SYTL5: variants seen among roughly 807,000 people sequenced by gnomAD.
SYTL5 encodes the protein synaptotagmin-like protein 5.
SYTL5 carries 34 observed loss-of-function variants against 55.9 expected under a neutral mutation model. The ratio of observed to expected loss-of-function variants is 0.61; its 90% CI spans 0.46 to 0.81. The LOEUF is 0.81. Ranked by LOEUF, SYTL5 falls within the 30% of genes least tolerant of loss-of-function variation. The pLI is 0.00. For missense variants in SYTL5, 637 were observed against 546.7 expected (o/e 1.17, Z -1.65); for synonymous variants, 221 against 188.7 (o/e 1.17, Z -1.40).
At position 38,089,429 on chromosome X, in the gene SYTL5, T is replaced by A; in HGVS notation, c.690-17T>A. On this transcript the variant is annotated splice_polypyrimidine_tract_variant and intron_variant, in intron 6 of 16. Coordinates refer to ENST00000297875, the MANE Select transcript of SYTL5 (RefSeq NM_138780.3). Reference sequence around the variant, plus strand: ...CTCTGCTTCCATGTTAAAGTCAGAATATGCTTTCTCATTTAGGGGAAGCAC... The same window carrying A: ...CTCTGCTTCCATGTTAAAGTCAGAAAATGCTTTCTCATTTAGGGGAAGCAC... 1 of 1,198,086 alleles carries A rather than the reference T, an allele frequency of 8.3e-7. No homozygotes were observed. Among genetic ancestry groups the A allele is most frequent in the Non-Finnish European group, 1.1e-6 (1 of 889,564 alleles).
chrX:38,120,447 T>C lies in SYTL5; in HGVS notation c.1686T>C (p.Leu562=). 8.3e-7 allele frequency: 1 copy of C among 1,203,846 alleles called. No homozygotes were observed. The highest frequency in any genetic ancestry group is 1.1e-6 in the Non-Finnish European group (1 of 888,255). ...TTCCCCCAGAAGAGAACCTGATGCT[T>C]CCACCAGAACAACTCCAAGGTAGAG... ...RYIPPEENLM[L]PPEQLQGNKT... The change falls in exon 14 of 17, where the codon CTT becomes CTC. Residue 562 remains leucine, a synonymous_variant. Transcript: ENST00000297875.
chrX:38,126,021 A>G (rs755457432), intron 16 of SYTL5, among the ~76,000 whole-genome samples: 8 of 112,000 alleles, frequency 7.1e-5, no homozygotes, highest in Non-Finnish European at 9.4e-5. Flanking sequence ...CACTGGTGCC[A>G]CAAGACGCAA....
At chrX:38,080,414 T>C (rs1227368345) in intron 6 of SYTL5, among the ~76,000 whole-genome samples, 1 of 111,330 alleles carries the variant, frequency 9.0e-6, no homozygotes, top group Admixed American at 9.6e-5. Flanking sequence ...TAGGTTCTCA[T>C]CTTTCTGCCC....
chrX:38,084,108 C>T (rs1936612259), intron 6 of SYTL5, among the ~76,000 whole-genome samples: 1 of 111,222 alleles, frequency 9.0e-6, no homozygotes, highest in Non-Finnish European at 1.9e-5. Context: ...AGGTTTAGAT[C>T]ATGCACTTTC....
At chrX:38,004,389 G>T (rs1450824365), upstream of SYTL5, among the ~76,000 whole-genome samples, 1 of 111,702 alleles carries the variant, frequency 9.0e-6, no homozygotes, top group Admixed American at 9.6e-5. Flanking sequence ...ATTCAAAATA[G>T]AGCTACCATA....
In SYTL5 at chrX:38,055,525, A is replaced by G. The variant is rs181746134; in HGVS notation, c.329+1103A>G. 4.5e-5 allele frequency among the ~76,000 whole-genome samples: 5 copies of G among 111,489 alleles called. No homozygotes were observed. The East Asian group carries it at 1.1e-3, about 25-fold the overall frequency. On this transcript the variant is annotated intron_variant, in intron 3 of 16. Transcript: ENST00000297875. ...TCATAATCTCATCTCAAGGCAGCTG[A>G]GTGTTCATCTACCTTTCCTGTGAAT...
At chrX:38,040,301 C>A (rs1162595766) in intron 2 of SYTL5, among the ~76,000 whole-genome samples, 4 of 111,725 alleles carry the variant, frequency 3.6e-5, no homozygotes, top group Non-Finnish European at 7.5e-5. Context: ...GGGTATCCAT[C>A]TCCTCAAGTG....
chrX:38,053,546 CAGA>C (rs1218623436), intron 2 of SYTL5, among the ~76,000 whole-genome samples: 1 of 112,265 alleles, frequency 8.9e-6, no homozygotes, highest in African/African-American at 3.2e-5. Context: ...AAATGCTAAG[CAGA>C]AGCTTTTCGA....
At position 38,128,753 on chromosome X, in the gene SYTL5, A is replaced by G. The variant is rs2147745749; in HGVS notation, c.*2023A>G. The stretch of plus-strand genomic sequence containing the variant: ...CTGCCCTTCTTAAAAACAGAAAACA[A>G]AAAGTGTAAGATCATCATTGCTTCC... On this transcript the variant is annotated 3_prime_UTR_variant, in exon 17 of 17. Coordinates refer to ENST00000297875, the MANE Select transcript of SYTL5 (RefSeq NM_138780.3). 1 of 111,169 alleles carries G rather than the reference A, an allele frequency of 9.0e-6. No individual in the cohort carries two copies. Among genetic ancestry groups the G allele is most frequent in the African/African-American group, 3.3e-5 (1 of 30,629 alleles). The allele number at this position is 111,169 out of a possible 1,213,427, so 9.2% of individuals were successfully genotyped here.
chrX:38,043,657 GTATGTA>G (rs1160263154), intron 2 of SYTL5, among the ~76,000 whole-genome samples: 2 of 39,385 alleles, frequency 5.1e-5, no homozygotes, highest in Non-Finnish European at 8.0e-5. Flanking sequence ...ATGTATGTAT[GTATGTA>G]TATATATATA....
chrX:38,085,199 A>G (rs1425137373), intron 6 of SYTL5, among the ~76,000 whole-genome samples: 1 of 111,647 alleles, frequency 9.0e-6, no homozygotes, highest in Non-Finnish European at 1.9e-5. Flanking sequence ...TCTGAGATCA[A>G]TGAACTTTTA....
chrX:38,071,584 CAG>C (rs1426863747), intron 3 of SYTL5, among the ~76,000 whole-genome samples: 1 of 111,743 alleles, frequency 8.9e-6, no homozygotes, highest in East Asian at 2.8e-4. Flanking sequence ...AGTCTGATCA[CAG>C]AGTCTGATCA....
chrX:38,054,514 T>A (rs1040613709), intron 3 of SYTL5, 92 bp downstream of exon 3: 4 of 898,105 alleles, frequency 4.5e-6, no homozygotes, highest in Non-Finnish European at 6.2e-6. Context: ...ATTTTAAGTT[T>A]AAGGATAGAG....
intron 2 of SYTL5, among the ~76,000 whole-genome samples, chrX:38,044,425 T>A (rs1334555888): frequency 8.9e-6 from 1 of 111,789 alleles, no homozygotes; most frequent in African/African-American, 3.2e-5. Context: ...CAATTTAGAG[T>A]CATTCTAGAA....
intron 6 of SYTL5, among the ~76,000 whole-genome samples, chrX:38,079,002 C>T (rs1044151105): frequency 1.7e-4 from 19 of 112,109 alleles, no homozygotes; most frequent in African/African-American, 5.2e-4. Context: ...GCAAAATGTC[C>T]TTTCCCTTGA....
chrX:37,982,233 C>A, the SYTL5 span, among the ~76,000 whole-genome samples: 2 of 111,126 alleles, frequency 1.8e-5, no homozygotes, highest in African/African-American at 6.5e-5. Flanking sequence ...AGATAGAAAT[C>A]ATAAAAAGGA....
At chrX:37,977,062 A>G in the SYTL5 span, among the ~76,000 whole-genome samples, 1 of 111,685 alleles carries the variant, frequency 9.0e-6, no homozygotes, top group Non-Finnish European at 1.9e-5. Flanking sequence ...ACTTTGAAAA[A>G]ATTATTTATT....
rs750671871 is a variant in SYTL5, at chrX:38,108,647, G to T, written c.1382G>T (p.Arg461Leu). Residue 461 changes from arginine to leucine, a missense_variant, in exon 12 of 17, where the codon CGT (arginine) becomes CTT (leucine). By Grantham distance (102) the Arg-to-Leu change is moderately radical. Coordinates refer to ENST00000297875, the MANE Select transcript of SYTL5 (RefSeq NM_138780.3). ...LLPDKSRNNKRKTKIRTGTNP... is the reference protein window; with the variant it reads ...LLPDKSRNNKLKTKIRTGTNP... The stretch of plus-strand genomic sequence containing the variant: ...CCTGACAAGTCCCGGAACAACAAGC[G>T]TAAGACCAAAATCAGAACAGGCACC... The T allele has an allele frequency of 1.7e-6, 2 of 1,203,885 alleles. No homozygotes were observed. Among genetic ancestry groups the T allele is most frequent in the Non-Finnish European group, 2.2e-6 (2 of 890,760 alleles).
At chrX:38,006,742 G>T (rs1934001412) in intron 1 of SYTL5, 74 bp downstream of exon 1, 1 of 111,337 alleles carries the variant, frequency 9.0e-6, no homozygotes, top group African/African-American at 3.3e-5. Flanking sequence ...GTGTGGTAGG[G>T]GAGTAGTGGG....
Sources: gnomAD v4.1 joint callset for allele counts (sites outside exome capture counted in the v4.1 genomes callset) on GRCh38, gnomAD v4.1.1 for gene constraint, MANE v1.5 for transcripts, NCBI Gene and HGNC (gene_info 2026-07-23, HGNC 2026-07-21) for gene names.